Variants in FAM234B observed in about 807,000 individuals in gnomAD.
FAM234B encodes protein FAM234B.
FAM234B carries 33 observed loss-of-function variants against 69.3 expected under a neutral mutation model. That is an observed-to-expected ratio of 0.48 (90% CI 0.36 to 0.64). The LOEUF (loss-of-function observed/expected upper bound fraction) is 0.64. FAM234B is among the 30% of genes least tolerant of loss of function. The pLI is 0.00. For missense variants in FAM234B, 697 were observed against 769.7 expected, an observed-to-expected ratio of 0.91 and a Z score of 1.12; for synonymous variants, 306 against 306.9, an observed-to-expected ratio of 1.00 and a Z score of 0.03.
chr12:13,078,211 T>C (rs1246475970), intron 11 of FAM234B, among the ~76,000 whole-genome samples: 1 of 151,798 alleles, frequency 6.6e-6, no homozygotes, highest in Non-Finnish European at 1.5e-5. Context: ...TTCTCCCATT[T>C]TGTAGGTTGC....
intron 1 of FAM234B, among the ~76,000 whole-genome samples, chr12:13,045,480 TGAG>T (rs1365344634): frequency 6.6e-6 from 1 of 152,210 alleles, no homozygotes; most frequent in East Asian, 1.9e-4. Context: ...ATAGCTAGTT[TGAG>T]CTTGCAGGGG....
At chr12:13,059,800 A>G (rs1193008411) in intron 3 of FAM234B, among the ~76,000 whole-genome samples, 12 of 152,152 alleles carry the variant, frequency 7.9e-5, no homozygotes, top group Admixed American at 7.9e-4. Flanking sequence ...TCAAAACTTG[A>G]TTACACTTTT....
chr12:13,067,343 T>G lies in FAM234B; in HGVS notation c.1142+47T>G. On this transcript the variant is annotated intron_variant, in intron 7 of 12. Coordinates refer to ENST00000197268, the MANE Select transcript of FAM234B (RefSeq NM_020853.2). The surrounding 1 kb of genome is among the most constrained non-coding windows in gnomAD (Gnocchi z 4.7). The stretch of plus-strand genomic sequence containing the variant: ...GGTCACAGTGAGATCTCTTGTGAAC[T>G]CACATGCCTTTGAGTCTCTAAGTTT... The G allele has an allele frequency of 6.2e-7, 1 of 1,604,910 alleles. No homozygotes were observed. Among genetic ancestry groups the G allele is most frequent in the South Asian group, 1.1e-5 (1 of 90,636 alleles).
intron 2 of FAM234B, 90 bp from the exon 3 acceptor site, chr12:13,058,361 T>C: frequency 1.0e-6 from 1 of 966,714 alleles, no homozygotes; most frequent in Admixed American, 1.7e-5. Flanking sequence ...GGAACTGGAG[T>C]CTGCCTGGTG....
chr12:13,079,433 G>A (rs1283131086), intron 11 of FAM234B, among the ~76,000 whole-genome samples: 2 of 152,342 alleles, frequency 1.3e-5, no homozygotes, highest in South Asian at 4.1e-4. Flanking sequence ...AATCGCCTCT[G>A]TGACTGCGCA....
Position 13,067,116 on chromosome 12 carries a change from A to C in FAM234B, c.1001-39A>C. On this transcript the variant is annotated intron_variant, in intron 6 of 12. Coordinates refer to ENST00000197268, the MANE Select transcript of FAM234B (RefSeq NM_020853.2). The surrounding 1 kb of genome is among the most constrained non-coding windows in gnomAD (Gnocchi z 4.7). ...ATCCTCACCATGGGACAGTTCTGTT[A>C]AATTCAACTTCTCAGTGTTGGTTCT... 6.2e-7 allele frequency: 1 copy of C among 1,612,446 alleles called. No homozygotes were observed. Among genetic ancestry groups the C allele is most frequent in the Non-Finnish European group, 8.5e-7 (1 of 1,178,794 alleles).
intron 11 of FAM234B, among the ~76,000 whole-genome samples, chr12:13,077,143 T>G (rs1163432966): frequency 6.6e-6 from 1 of 152,136 alleles, no homozygotes; most frequent in East Asian, 1.9e-4. Flanking sequence ...AATCCTGTGA[T>G]TAGATCTGAG....
chr12:13,062,747 G>T (rs2120474410), intron 4 of FAM234B, 98 bp from the exon 5 acceptor site: 1 of 1,316,630 alleles, frequency 7.6e-7, no homozygotes, highest in South Asian at 1.4e-5. Context: ...CTGTTGTTCA[G>T]CCCCTTGCGT....
intron 11 of FAM234B, among the ~76,000 whole-genome samples, chr12:13,078,644 T>G (rs997935770): frequency 1.3e-5 from 2 of 152,192 alleles, no homozygotes; most frequent in Admixed American, 6.5e-5. Flanking sequence ...AAAACCCCAT[T>G]GTCTCAGCCC....
chr12:13,046,106 A>G (rs540235781), intron 1 of FAM234B, among the ~76,000 whole-genome samples: 53 of 152,170 alleles, frequency 3.5e-4, no homozygotes, highest in African/African-American at 1.2e-3. Context: ...TATAGTAGGC[A>G]TGTGTTCTTT....
At chr12:13,078,903 T>C (rs1480353163) in intron 11 of FAM234B, among the ~76,000 whole-genome samples, 1 of 151,198 alleles carries the variant, frequency 6.6e-6, no homozygotes, top group Non-Finnish European at 1.5e-5. Context: ...TACAAACAAA[T>C]GGAAGAACAT....
intron 9 of FAM234B, among the ~76,000 whole-genome samples, chr12:13,069,655 T>C (rs1466268037): frequency 1.5e-4 from 23 of 152,102 alleles, no homozygotes; most frequent in Non-Finnish European, 1.5e-5. Context: ...AGGGGTTGTA[T>C]GTGCAGAATC....
intron 10 of FAM234B, among the ~76,000 whole-genome samples, chr12:13,074,986 T>G (rs1219091554): frequency 6.6e-6 from 1 of 152,186 alleles, no homozygotes; most frequent in African/African-American, 2.4e-5. Context: ...CTAACTCACA[T>G]GGGTGTACTT....
At chr12:13,046,549 C>T (rs942008289) in intron 1 of FAM234B, among the ~76,000 whole-genome samples, 10 of 151,394 alleles carry the variant, frequency 6.6e-5, no homozygotes, top group Non-Finnish European at 1.5e-4. Flanking sequence ...CAACCTCCGC[C>T]TCCTGGGTTC....
intron 2 of FAM234B, 52 bp from the exon 3 acceptor site, chr12:13,058,399 T>C (rs375024154): frequency 6.9e-7 from 1 of 1,445,860 alleles, no homozygotes; most frequent in African/African-American, 1.4e-5. Flanking sequence ...AACAGAGAAC[T>C]GGTTTGTGGT....
At chr12:13,079,644 G>T in intron 11 of FAM234B, 145 bp from the exon 12 acceptor site, 1 of 595,214 alleles carries the variant, frequency 1.7e-6, no homozygotes, top group South Asian at 2.1e-5. Flanking sequence ...CCGTGGGCTA[G>T]CTCACTGCCT....
intron 5 of FAM234B, 84 bp downstream of exon 5, chr12:13,063,059 A>G: frequency 6.9e-7 from 1 of 1,441,750 alleles, no homozygotes; most frequent in Non-Finnish European, 9.6e-7. Flanking sequence ...TACATTATAA[A>G]TGCTGCTTGA....
rs778017260 is a variant in FAM234B, at chr12:13,056,631, G to A, written c.433+685G>A. On this transcript the variant is annotated intron_variant, in intron 2 of 12. Transcript: ENST00000197268. ...TATCTCTGCCACTTCTCTGATCCCA[G>A]TTGAATTAGCTTCTGATGAGTTCTG... Among the ~76,000 whole-genome samples, 4 of 152,166 alleles carry A rather than the reference G, an allele frequency of 2.6e-5. No individual in the cohort carries two copies. In the East Asian group the frequency reaches 7.7e-4, roughly 29 times the overall value.
intron 1 of FAM234B, among the ~76,000 whole-genome samples, chr12:13,048,574 C>T (rs780812858): frequency 6.8e-6 from 1 of 147,818 alleles, no homozygotes; most frequent in Non-Finnish European, 1.5e-5. Context: ...CATATATTGG[C>T]TCACCTTTGT....
Sources: allele counts gnomAD v4.1 joint callset (sites outside exome capture counted in the v4.1 genomes callset), GRCh38; gene constraint gnomAD v4.1.1; non-coding constraint Gnocchi (gnomAD v3.1); transcripts MANE v1.5; gene names NCBI Gene and HGNC (gene_info 2026-07-23, HGNC 2026-07-21).